Variants in DUXA observed in about 807,000 individuals in gnomAD.
DUXA encodes double homeobox protein A.
DUXA carries 25 observed loss-of-function variants against 27.5 expected under a neutral mutation model. The ratio of observed to expected loss-of-function variants is 0.91; its 90% CI spans 0.66 to 1.27. DUXA has a LOEUF of 1.27. Ranked by LOEUF, DUXA falls within the 50% of genes most tolerant of loss-of-function variation. The probability of loss-of-function intolerance (pLI) is 0.00; values close to 1 mark genes in which losing one functional copy is unlikely to be tolerated. For missense variants in DUXA, 247 were observed against 242.9 expected (o/e 1.02, Z -0.11); for synonymous variants, 90 against 80.5 (o/e 1.12, Z -0.63).
At chr19:57,165,687 C>A (rs2087050272) in intron 1 of DUXA, among the ~76,000 whole-genome samples, 1 of 151,516 alleles carries the variant, frequency 6.6e-6, no homozygotes, top group Non-Finnish European at 1.5e-5. Flanking sequence ...CGTCTGTAGT[C>A]CCAGCTACTC....
At chr19:57,155,674 T>TAGATAGATAGATAGATAGATA (rs887562063) in intron 4 of DUXA, among the ~76,000 whole-genome samples, 14 of 151,796 alleles carry the variant, frequency 9.2e-5, no homozygotes, top group African/African-American at 3.4e-4. Flanking sequence ...GATAGATAGA[T>TAGATAGATAGATAGATAGATA]ACTTTTTTTT....
intron 1 of DUXA, among the ~76,000 whole-genome samples, chr19:57,163,612 T>A (rs1227149665): frequency 2.0e-5 from 3 of 152,126 alleles, no homozygotes; most frequent in African/African-American, 7.2e-5. Flanking sequence ...CCTGGCTAAT[T>A]TTTGTATTTT....
At chr19:57,159,327 GCT>G in intron 2 of DUXA, 49 bp from the exon 3 acceptor site, 1 of 1,531,542 alleles carries the variant, frequency 6.5e-7, no homozygotes, top group South Asian at 1.1e-5. Flanking sequence ...TGTCATTTAA[GCT>G]ACATCACTGC....
chr19:57,165,322 A>ATATATATATATATATGT (rs1484903570), intron 1 of DUXA, among the ~76,000 whole-genome samples: 1 of 89,106 alleles, frequency 1.1e-5, no homozygotes, highest in Non-Finnish European at 2.4e-5. Flanking sequence ...AAAAAAAAAA[A>ATATATATATATATATGT]AAATATATAT....
intron 1 of DUXA, among the ~76,000 whole-genome samples, chr19:57,164,297 C>T (rs1289114784): frequency 2.6e-5 from 4 of 152,126 alleles, no homozygotes; most frequent in African/African-American, 4.8e-5. Context: ...AATCATTGGC[C>T]GGGCACAGTG....
intron 4 of DUXA, among the ~76,000 whole-genome samples, chr19:57,155,646 A>AAGACAGATAGATAGAT (rs1555757951): frequency 6.9e-6 from 1 of 144,012 alleles, no homozygotes; most frequent in Admixed American, 7.1e-5. Context: ...TGCCCAACCC[A>AAGACAGATAGATAGAT]AGATAGATAG....
intron 1 of DUXA, among the ~76,000 whole-genome samples, chr19:57,166,515 A>G (rs150220062): frequency 3.9e-4 from 59 of 152,250 alleles, no homozygotes; most frequent in African/African-American, 8.9e-4. Context: ...TCACCATGTT[A>G]GCCAGGCTGG....
chr19:57,164,483 G>A (rs2087040867), intron 1 of DUXA, among the ~76,000 whole-genome samples: 2 of 152,162 alleles, frequency 1.3e-5, no homozygotes, highest in Non-Finnish European at 2.9e-5. Flanking sequence ...GCTGAGGCGA[G>A]AGAATCGCTT....
intron 1 of DUXA, 108 bp downstream of exon 1, chr19:57,167,311 T>C: frequency 7.1e-7 from 1 of 1,408,866 alleles, no homozygotes; most frequent in South Asian, 1.2e-5. Flanking sequence ...CCAGATACAG[T>C]TAAAGTTTAA....
intron 4 of DUXA, among the ~76,000 whole-genome samples, chr19:57,157,318 T>C (rs537595118): frequency 3.3e-5 from 5 of 152,100 alleles, no homozygotes; most frequent in African/African-American, 9.7e-5. Context: ...AAATGTTAAA[T>C]GTCTAAAGTG....
In DUXA at chr19:57,154,272, C is replaced by T. The variant is rs1005351587; in HGVS notation, c.*140G>A. On this transcript the variant is annotated 3_prime_UTR_variant, in exon 6 of 6. Transcript: ENST00000554048. ...CAAAGTAGTGGGATTACAAGTGTGA[C>T]CCACCACATCTGGCCAAGTCCTTTA... 1.3e-5 allele frequency: 9 copies of T among 711,244 alleles called. No homozygotes were observed. The highest frequency in any genetic ancestry group is 1.1e-4 in the African/African-American group (6 of 55,128). 44.1% of individuals were successfully genotyped at this position (711,244 alleles called of 1,614,324 possible).
intron 1 of DUXA, among the ~76,000 whole-genome samples, chr19:57,166,652 C>T (rs1353880615): frequency 6.6e-6 from 1 of 152,120 alleles, no homozygotes; most frequent in Non-Finnish European, 1.5e-5. Flanking sequence ...TGAGGTACAG[C>T]GTTGAGAATA....
intron 1 of DUXA, among the ~76,000 whole-genome samples, chr19:57,161,350 G>A (rs1384207451): frequency 1.4e-4 from 13 of 93,250 alleles, no homozygotes; most frequent in African/African-American, 3.7e-4. Flanking sequence ...AAAACTGGGC[G>A]CGGTGGCTCA....
At chr19:57,159,890 C>T (rs2122692831) in intron 2 of DUXA, among the ~76,000 whole-genome samples, 1 of 152,006 alleles carries the variant, frequency 6.6e-6, no homozygotes, top group South Asian at 2.1e-4. Flanking sequence ...ATCACGAGGT[C>T]AGGAGTTCAA....
chr19:57,161,704 T>TA (rs1230842638), intron 1 of DUXA, among the ~76,000 whole-genome samples: 1 of 152,044 alleles, frequency 6.6e-6, no homozygotes, highest in Non-Finnish European at 1.5e-5. Context: ...TAATTTTTTT[T>TA]AAAAAACAAT....
At position 57,165,577 on chromosome 19, in the gene DUXA, G is replaced by A. The variant is rs561521119; in HGVS notation, c.25+1842C>T. On this transcript the variant is annotated intron_variant, in intron 1 of 5. Coordinates refer to ENST00000554048, the MANE Select transcript of DUXA (RefSeq NM_001012729.2). ...TCCCAGCACTTTGGGAGGCCGAGGC[G>A]GGCAGATCACGATGTCAGGAGATCG... is the stretch of plus-strand genomic sequence containing the variant. 2.5e-3 allele frequency among the ~76,000 whole-genome samples: 376 copies of A among 151,626 alleles called. 5 individuals are homozygous for A. The highest frequency in any genetic ancestry group is 8.7e-3 in the African/African-American group (359 of 41,368).
At chr19:57,166,902 T>G (rs940085816) in intron 1 of DUXA, among the ~76,000 whole-genome samples, 6 of 152,190 alleles carry the variant, frequency 3.9e-5, no homozygotes, top group African/African-American at 1.4e-4. Context: ...AGGAATAGTT[T>G]AGATATGAAC....
chr19:57,155,338 A>T lies in DUXA; in HGVS notation c.473T>A (p.Leu158His). The change falls in exon 5 of 6, where the codon CTC becomes CAC. Residue 158 changes from leucine (L) to histidine (H), a missense_variant. Coordinates refer to ENST00000554048, the MANE Select transcript of DUXA (RefSeq NM_001012729.2). ...CGCCACAGGTTCCCTTTTTCTCTGG[A>T]GAAGTAATCTAGATCTTCGATTTTG... ...WFQNRRSRLL[L>H]QRKREPVASL... 1 of 1,614,162 alleles carries T rather than the reference A, an allele frequency of 6.2e-7. No homozygotes were observed. Among genetic ancestry groups the T allele is most frequent in the South Asian group, 1.1e-5 (1 of 91,082 alleles).
intron 4 of DUXA, among the ~76,000 whole-genome samples, chr19:57,155,993 T>A (rs1192908414): frequency 6.6e-6 from 1 of 152,080 alleles, no homozygotes; most frequent in Admixed American, 6.6e-5. Context: ...TTTTATGACA[T>A]TTGTGAGAGT....
Sources: gnomAD v4.1 joint callset for allele counts (sites outside exome capture counted in the v4.1 genomes callset) on GRCh38, gnomAD v4.1.1 for gene constraint, MANE v1.5 for transcripts, NCBI Gene and HGNC (gene_info 2026-07-23, HGNC 2026-07-21) for gene names.